ZNF408: variants seen among roughly 807,000 people sequenced by gnomAD.
ZNF408 encodes PR domain zinc finger protein 17.
Under a neutral mutation model 27.6 loss-of-function variants are expected in ZNF408, and 24 were observed. The ratio of observed to expected loss-of-function variants is 0.87; its 90% CI spans 0.63 to 1.22. The LOEUF (loss-of-function observed/expected upper bound fraction) is 1.22. Among genes scored for constraint, ZNF408 ranks in the 50% most tolerant of loss-of-function variants. The pLI is 0.00. For synonymous variants in ZNF408, 410 were observed against 396.1 expected (o/e 1.04, Z -0.42); for missense variants, 897 against 949.0 (o/e 0.95, Z 0.72).
intron 2 of ZNF408, among the ~76,000 whole-genome samples, chr11:46,702,418 T>C (rs2064716187): frequency 6.6e-6 from 1 of 152,202 alleles, no homozygotes; most frequent in Non-Finnish European, 1.5e-5. Context: ...TTTAAAAAGC[T>C]GGTGTTCCTT....
Position 46,703,279 on chromosome 11 carries a change from T to G in ZNF408, c.652+36T>G, listed in dbSNP as rs759612446. 5.1e-6 allele frequency: 8 copies of G among 1,583,220 alleles called. No homozygotes were observed. The East Asian group carries it at 1.8e-4, about 36-fold the overall frequency. ...AATAAATGCTGGTTTCCCAGCAATT[T>G]CCCCACCAAAACAACCTGTTGATAA... On this transcript the variant is annotated intron_variant, in intron 4 of 4. Coordinates refer to ENST00000311764, the MANE Select transcript of ZNF408 (RefSeq NM_024741.3).
At position 46,703,194 on chromosome 11, in the gene ZNF408, A is replaced by G; in HGVS notation, c.603A>G (p.Val201=). The change falls in exon 4 of 5, where the codon GTA becomes GTG. Residue 201 remains valine, a synonymous_variant. Coordinates refer to ENST00000311764, the MANE Select transcript of ZNF408 (RefSeq NM_024741.3). ...VAVVTEVESA[V]QQEVASPGED... is the part of the protein sequence containing the mutation. ...TGGTGACAGAAGTGGAGTCTGCTGT[A>G]CAGCAGGAAGTGGCCTCCCCTGGGG... 1.2e-6 allele frequency: 2 copies of G among 1,613,572 alleles called. No individual in the cohort carries two copies. Among genetic ancestry groups the G allele is most frequent in the Non-Finnish European group, 1.7e-6 (2 of 1,179,902 alleles).
chr11:46,701,905 C>G, intron 2 of ZNF408: 1 of 449,696 alleles, frequency 2.2e-6, no homozygotes, highest in Non-Finnish European at 3.7e-6. Context: ...TGAGGAAGGT[C>G]AAGAGCTAAG....
In ZNF408 at chr11:46,701,084, A is replaced by G. The variant is rs940672700; in HGVS notation, c.37A>G (p.Lys13Glu). ...GGAGGAGCTGCTCTTGGAGGGGAAG[A>G]AGGCGCTGCAACTCGGTGAGTGACC... is the stretch of plus-strand genomic sequence containing the variant. ...EAEELLLEGKKALQLAREPRL... is the reference protein window; with the variant it reads ...EAEELLLEGKEALQLAREPRL... Residue 13 changes from lysine to glutamate, a missense_variant, in exon 1 of 5, where the codon AAG becomes GAG. By Grantham distance (56) the Lys-to-Glu change is moderately conservative. Coordinates refer to ENST00000311764, the MANE Select transcript of ZNF408 (RefSeq NM_024741.3). 6.2e-7 allele frequency: 1 copy of G among 1,614,034 alleles called. No individual in the cohort carries two copies. The highest frequency in any genetic ancestry group is 1.3e-5 in the African/African-American group (1 of 74,930).
At position 46,703,252 on chromosome 11, in the gene ZNF408, C is replaced by A; in HGVS notation, c.652+9C>A. 2 of 1,599,028 alleles carry A rather than the reference C, an allele frequency of 1.3e-6. No homozygotes were observed. The highest frequency in any genetic ancestry group is 2.2e-5 in the South Asian group (2 of 89,580). On this transcript the variant is annotated intron_variant, in intron 4 of 4. Coordinates refer to ENST00000311764, the MANE Select transcript of ZNF408 (RefSeq NM_024741.3). ...AGCAGAACCTTGCATAGGTATGTGT[C>A]AAATAAATGCTGGTTTCCCAGCAAT...
chr11:46,701,031 A>T lies in ZNF408; in HGVS notation c.-17A>T. The T allele has an allele frequency of 6.2e-7, 1 of 1,613,602 alleles. No homozygotes were observed. Among genetic ancestry groups the T allele is most frequent in the South Asian group, 1.1e-5 (1 of 91,070 alleles). ...GAGGAAGCTCACTTCCGGCGTAGGG[A>T]GGCTTTCTGACCCGGAATGGAGGAG... On this transcript the variant is annotated 5_prime_UTR_variant, in exon 1 of 5. Transcript: ENST00000311764.
At position 46,705,811 on chromosome 11, in the gene ZNF408, A is replaced by G. The variant is rs754620684; in HGVS notation, c.2111A>G (p.Asp704Gly). The G allele has an allele frequency of 6.2e-7, 1 of 1,612,628 alleles. No homozygotes were observed. Among genetic ancestry groups the G allele is most frequent in the Non-Finnish European group, 8.5e-7 (1 of 1,179,550 alleles). The part of the protein sequence containing the change: ...AAPSLVLIHK[D>G]MGLGAWAEVV... ...CCCAGCCTGGTGCTAATCCATAAGG[A>G]CATGGGCCTCGGCGCCTGGGCAGAG... is the stretch of plus-strand genomic sequence containing the variant. The change falls in exon 5 of 5, where the codon GAC (aspartate) becomes GGC (glycine). Residue 704 changes from aspartate to glycine, a missense_variant. Physicochemically the swap from Asp to Gly is moderately conservative, Grantham distance 94. Transcript: ENST00000311764. The surrounding 1 kb of genome is among the most constrained non-coding windows in gnomAD (Gnocchi z 6.5).
At chr11:46,701,317 G>A in intron 1 of ZNF408, 82 bp from the exon 2 acceptor site, 2 of 1,580,362 alleles carry the variant, frequency 1.3e-6, no homozygotes, top group East Asian at 2.3e-5. Context: ...AGGCCCACCT[G>A]GACCTGCGGT....
chr11:46,701,940 G>T (rs141907080), intron 2 of ZNF408: 417 of 356,216 alleles, frequency 1.2e-3, no homozygotes, highest in African/African-American at 8.0e-3. Context: ...GAAAGCATGG[G>T]ATCAAATTCC....
chr11:46,704,475 G>A lies in ZNF408; in HGVS notation c.775G>A (p.Gly259Ser). Reference protein sequence around the residue: ...SQPLGPLLQDGDVDEECPAQA... With the variant: ...SQPLGPLLQDSDVDEECPAQA... The stretch of plus-strand genomic sequence containing the variant: ...GCCACTTGGCCCATTGCTTCAGGAT[G>A]GCGACGTGGATGAGGAATGCCCGGC... Residue 259 changes from glycine to serine, a missense_variant, in exon 5 of 5, where the codon GGC becomes AGC. Transcript: ENST00000311764. The A allele has an allele frequency of 5.0e-6, 8 of 1,614,158 alleles. No individual in the cohort carries two copies. Among genetic ancestry groups the A allele is most frequent in the Non-Finnish European group, 6.8e-6 (8 of 1,180,028 alleles).
At chr11:46,704,242 C>A in intron 4 of ZNF408, 111 bp from the exon 5 acceptor site, 1 of 1,127,808 alleles carries the variant, frequency 8.9e-7, no homozygotes, top group Non-Finnish European at 1.3e-6. Context: ...TATCATTGCT[C>A]CCTCTAAGGC....
intron 2 of ZNF408, among the ~76,000 whole-genome samples, chr11:46,702,387 G>A (rs12361673): frequency 0.54 from 81,439 of 152,094 alleles, 25,391 homozygotes; most frequent in Non-Finnish European, 0.7. Context: ...GAGCCCCCGC[G>A]CCTGGCCCAA....
In ZNF408 at chr11:46,705,296, C is replaced by T; in HGVS notation, c.1596C>T (p.Ala532=). 6.2e-7 allele frequency: 1 copy of T among 1,612,202 alleles called. No homozygotes were observed. Among genetic ancestry groups the T allele is most frequent in the South Asian group, 1.1e-5 (1 of 91,088 alleles). Residue 532 remains alanine (A), a synonymous_variant, in exon 5 of 5, where the codon GCC becomes GCT. Transcript: ENST00000311764. This position sits in a 1 kb window ranked among gnomAD's most constrained non-coding sequence, Gnocchi z 6.5. ...ACCGCTGCCCACACTGTGCCGATGC[C>T]TTCCCCCAGCTGCCTGAACTGCGGC... ...RPYRCPHCAD[A]FPQLPELRRH...
intron 2 of ZNF408, 172 bp downstream of exon 2, chr11:46,701,848 G>A (rs1214785173): frequency 3.4e-6 from 3 of 870,434 alleles, no homozygotes; most frequent in African/African-American, 3.4e-5. Flanking sequence ...AAGAATCGAG[G>A]TTTGAAAAGT....
Position 46,705,878 on chromosome 11 carries a change from G to A in ZNF408, c.*15G>A. On this transcript the variant is annotated 3_prime_UTR_variant, in exon 5 of 5. Transcript: ENST00000311764. This position sits in a 1 kb window ranked among gnomAD's most constrained non-coding sequence, Gnocchi z 6.5. ...TGGGCACCTGACAGCTTTGCCTTTT[G>A]CTGACACAGCTCCATAAAGACTCGT... 3.7e-6 allele frequency: 6 copies of A among 1,604,676 alleles called. No homozygotes were observed. Among genetic ancestry groups the A allele is most frequent in the Non-Finnish European group, 5.1e-6 (6 of 1,175,706 alleles).
rs2064705913 is a variant in ZNF408, at chr11:46,701,552, A to G, written c.206A>G (p.Lys69Arg). 3 of 1,613,588 alleles carry G rather than the reference A, an allele frequency of 1.9e-6. No homozygotes were observed. Among genetic ancestry groups the G allele is most frequent in the Middle Eastern group, 1.6e-4 (1 of 6,062 alleles). Reference sequence around the variant, plus strand: ...TTGGCCCTTGGCCCCTCACTCGCCAAGGAACAGCGCTTGGGGGTCTGGTGT... The same window carrying G: ...TTGGCCCTTGGCCCCTCACTCGCCAGGGAACAGCGCTTGGGGGTCTGGTGT... ...RGLALGPSLAKEQRLGVWCVG... is the reference protein window; with the variant it reads ...RGLALGPSLAREQRLGVWCVG... Residue 69 changes from lysine (K) to arginine (R), a missense_variant, in exon 2 of 5, where the codon AAG becomes AGG. Coordinates refer to ENST00000311764, the MANE Select transcript of ZNF408 (RefSeq NM_024741.3).
At chr11:46,703,354 T>G in intron 4 of ZNF408, 111 bp downstream of exon 4, 6 of 1,347,694 alleles carry the variant, frequency 4.5e-6, no homozygotes, top group Non-Finnish European at 5.9e-6. Flanking sequence ...CACTATAGAG[T>G]CTTAGTAGCT....
In ZNF408 at chr11:46,703,764, G is replaced by GTT. The variant is rs1276758688; in HGVS notation, c.652+522_652+523dup. Among the ~76,000 whole-genome samples the GTT allele has an allele frequency of 2.9e-3, 217 of 75,500 alleles. 11 individuals are homozygous for GTT. Among genetic ancestry groups the GTT allele is most frequent in the Middle Eastern group, 0.024 (3 of 124 alleles). 49.5% of individuals were successfully genotyped at this position (75,500 alleles called of 152,430 possible). A position where few individuals can be genotyped will look rare whatever the true frequency, so the allele number is the denominator to read the frequency against. ...TTGTTTTGTTGTTGTTGTTGTTGTT[G>GTT]TTGTTGTTTTTTTTTTTTTTTGAGA... On this transcript the variant is annotated intron_variant, in intron 4 of 4. Coordinates refer to ENST00000311764, the MANE Select transcript of ZNF408 (RefSeq NM_024741.3).
intron 2 of ZNF408, among the ~76,000 whole-genome samples, chr11:46,702,490 A>G (rs1033812642): frequency 1.3e-5 from 2 of 152,238 alleles, no homozygotes; most frequent in African/African-American, 4.8e-5. Flanking sequence ...GTAATTCTCC[A>G]TACCCTTGGG....
Sources: gnomAD v4.1 joint callset for allele counts (sites outside exome capture counted in the v4.1 genomes callset) on GRCh38, gnomAD v4.1.1 for gene constraint, Gnocchi (gnomAD v3.1) non-coding constraint, MANE v1.5 for transcripts, NCBI Gene and HGNC (gene_info 2026-07-23, HGNC 2026-07-21) for gene names.